The following R3HDM1 variants were observed in gnomAD, a reference collection of about 807,000 sequenced individuals.
R3HDM1 encodes R3H domain containing 1.
R3HDM1 carries 46 observed loss-of-function variants against 141.1 expected under a neutral mutation model. The ratio of observed to expected loss-of-function variants is 0.33; its 90% confidence interval spans 0.26 to 0.42. R3HDM1 has a LOEUF of 0.42. Ranked by LOEUF, R3HDM1 falls within the 10% of genes least tolerant of loss-of-function variation. The pLI is 1.00. For missense variants in R3HDM1, 1,184 were observed against 1,368.3 expected (o/e 0.87, Z 2.12); for synonymous variants, 435 against 472.9 (o/e 0.92, Z 1.04).
chr2:135,671,975 CAA>C (rs879298097), intron 19 of R3HDM1, among the ~76,000 whole-genome samples: 4 of 114,066 alleles, frequency 3.5e-5, no homozygotes. Flanking sequence ...GACTCTGTCT[CAA>C]AAAAAAAAAA....
intron 18 of R3HDM1, 47 bp downstream of exon 18, chr2:135,652,079 A>C: frequency 6.6e-7 from 1 of 1,513,660 alleles, no homozygotes; most frequent in Non-Finnish European, 8.8e-7. Flanking sequence ...CCTCTCACTT[A>C]AGATCAGTTT....
intron 21 of R3HDM1, among the ~76,000 whole-genome samples, chr2:135,680,730 G>A (rs897341749): frequency 2.0e-5 from 3 of 152,068 alleles, no homozygotes; most frequent in Admixed American, 6.5e-5. Flanking sequence ...AGATTGCGCC[G>A]TTGCACTCCA....
intron 3 of R3HDM1, among the ~76,000 whole-genome samples, chr2:135,614,083 GC>G (rs1375982740): frequency 3.3e-5 from 5 of 152,182 alleles, no homozygotes; most frequent in African/African-American, 7.2e-5. Flanking sequence ...TAGCTCTAGT[GC>G]CTAGCACAGT....
At chr2:135,664,220 T>C (rs2067166359) in intron 19 of R3HDM1, among the ~76,000 whole-genome samples, 1 of 152,192 alleles carries the variant, frequency 6.6e-6, no homozygotes, top group African/African-American at 2.4e-5. Flanking sequence ...GGGTTTCCTT[T>C]TGGTTTTTAT....
intron 5 of R3HDM1, among the ~76,000 whole-genome samples, chr2:135,617,043 G>A (rs1647875508): frequency 6.6e-6 from 1 of 152,246 alleles, no homozygotes; most frequent in South Asian, 2.1e-4. Context: ...AAAAATGTTG[G>A]TCGGGTGCAG....
At chr2:135,658,036 T>G (rs2066148691) in intron 18 of R3HDM1, among the ~76,000 whole-genome samples, 1 of 152,248 alleles carries the variant, frequency 6.6e-6, no homozygotes, top group South Asian at 2.1e-4. Context: ...GCTACAAACC[T>G]ATGCAACATG....
At chr2:135,554,626 A>G (rs1016614208) in intron 1 of R3HDM1, among the ~76,000 whole-genome samples, 1 of 152,230 alleles carries the variant, frequency 6.6e-6, no homozygotes, top group South Asian at 2.1e-4. Flanking sequence ...ATTCTCATCA[A>G]GCTGTGGATT....
At chr2:135,644,983 G>A (rs931385377) in intron 15 of R3HDM1, among the ~76,000 whole-genome samples, 1 of 152,162 alleles carries the variant, frequency 6.6e-6, no homozygotes, top group Non-Finnish European at 1.5e-5. Context: ...TCGGGAGGCT[G>A]AGGCAGGAGA....
rs1290522795 is a variant in R3HDM1, at chr2:135,721,969, C to G, written c.2927C>G (p.Pro976Arg). 1 of 1,613,902 alleles carries G rather than the reference C, an allele frequency of 6.2e-7. No individual in the cohort carries two copies. The highest frequency in any genetic ancestry group is 2.2e-5 in the East Asian group (1 of 44,874). ...CTTGGCCAGCCACTGCAGTACAATC[C>G]TCCTGCTGTTCTGCACGGACACATT... Reference protein sequence around the residue: ...PLLGQPLQYNPPAVLHGHIPN... With the variant: ...PLLGQPLQYNRPAVLHGHIPN... Residue 976 changes from proline to arginine, a missense_variant, in exon 25 of 27, where the codon CCT becomes CGT. By Grantham distance (103) the Pro-to-Arg change is moderately radical. Transcript: ENST00000683871.
At chr2:135,671,121 C>T (rs147008423) in intron 19 of R3HDM1, among the ~76,000 whole-genome samples, 2 of 150,346 alleles carry the variant, frequency 1.3e-5, no homozygotes, top group African/African-American at 4.9e-5. Context: ...TCATTACAAA[C>T]TTTACATACT....
intron 21 of R3HDM1, among the ~76,000 whole-genome samples, chr2:135,692,406 C>A (rs182286957): frequency 6.6e-6 from 1 of 152,202 alleles, no homozygotes; most frequent in Admixed American, 6.5e-5. Flanking sequence ...TCTAGACCAC[C>A]CTGGCCAACA....
chr2:135,725,091 ACTT>A lies in R3HDM1; in HGVS notation c.*803_*805del, dbSNP rs554961494. Reference sequence around the variant, plus strand: ...GAAATGCATTTGATGAGTGCTGGAAACTTCTTAAGTGCTTTACAGTTTGTTTTC... The same window carrying A: ...GAAATGCATTTGATGAGTGCTGGAAACTTAAGTGCTTTACAGTTTGTTTTC... On this transcript the variant is annotated 3_prime_UTR_variant, in exon 27 of 27. Transcript: ENST00000683871. 232 of 152,312 alleles carry A rather than the reference ACTT, an allele frequency of 1.5e-3. No homozygotes were observed. The highest frequency in any genetic ancestry group is 1.6e-3 in the Non-Finnish European group (108 of 68,008). The allele number at this position is 152,312 out of a possible 1,614,324, so 9.4% of individuals were successfully genotyped here. A position where few individuals can be genotyped will look rare whatever the true frequency, so the allele number is the denominator to read the frequency against.
intron 1 of R3HDM1, among the ~76,000 whole-genome samples, chr2:135,557,290 A>G (rs1700964193): frequency 6.6e-6 from 1 of 151,636 alleles, no homozygotes; most frequent in East Asian, 1.9e-4. Flanking sequence ...TTTACTGTCC[A>G]TATTTAACGT....
intron 21 of R3HDM1, among the ~76,000 whole-genome samples, chr2:135,680,982 GA>G (rs2070200391): frequency 6.6e-6 from 1 of 152,136 alleles, no homozygotes; most frequent in Admixed American, 6.5e-5. Flanking sequence ...CTTTAGCAGT[GA>G]AATATCTTGC....
chr2:135,588,949 A>G (rs1015383006), intron 1 of R3HDM1, among the ~76,000 whole-genome samples: 29 of 152,234 alleles, frequency 1.9e-4, no homozygotes, highest in South Asian at 4.1e-4. Context: ...ATAATTATAG[A>G]TTTATAGAAA....
At chr2:135,550,327 C>A in intron 1 of R3HDM1, 2 of 703,354 alleles carry the variant, frequency 2.8e-6, no homozygotes, top group Non-Finnish European at 1.7e-6. Flanking sequence ...AGGCAAGCAG[C>A]TTTCATACAG....
chr2:135,602,378 C>G, intron 1 of R3HDM1, 122 bp from the exon 2 acceptor site: 1 of 657,096 alleles, frequency 1.5e-6, no homozygotes. Flanking sequence ...TTCTGACTTT[C>G]GTTTAGGAAA....
At position 135,618,995 on chromosome 2, in the gene R3HDM1, G is replaced by C. The variant is rs145502125; in HGVS notation, c.303+2238G>C. Among the ~76,000 whole-genome samples, 448 of 151,162 alleles carry C rather than the reference G, an allele frequency of 3.0e-3. 3 individuals carry two copies. The highest frequency in any genetic ancestry group is 0.01 in the African/African-American group (417 of 41,034). Reference sequence around the variant, plus strand: ...AGATTGCGCTATTGCGCTCCAGCCTGGGTGACAAGAGCGAAACTCTTATCT... The same window carrying C: ...AGATTGCGCTATTGCGCTCCAGCCTCGGTGACAAGAGCGAAACTCTTATCT... On this transcript the variant is annotated intron_variant, in intron 5 of 26. Transcript: ENST00000683871.
At chr2:135,538,358 G>A (rs944923198) in intron 1 of R3HDM1, among the ~76,000 whole-genome samples, 9 of 152,080 alleles carry the variant, frequency 5.9e-5, no homozygotes, top group African/African-American at 2.2e-4. Context: ...GAATGCAAAG[G>A]CCTCAGACAT....
Sources: allele counts gnomAD v4.1 joint callset (sites outside exome capture counted in the v4.1 genomes callset), GRCh38; gene constraint gnomAD v4.1.1; transcripts MANE v1.5; gene names NCBI Gene and HGNC (gene_info 2026-07-23, HGNC 2026-07-21).